XIRP2: variants seen among roughly 807,000 people sequenced by gnomAD.
XIRP2 encodes the protein xin actin-binding repeat-containing protein 2.
Under a neutral mutation model 277.0 loss-of-function variants are expected in XIRP2, and 236 were observed. That is an observed-to-expected ratio of 0.85 (90% CI 0.77 to 0.95). The LOEUF (loss-of-function observed/expected upper bound fraction) is 0.95, where lower values mean the gene tolerates loss of function less well. Ranked by LOEUF, XIRP2 falls within the 40% of genes least tolerant of loss-of-function variation. The pLI is 0.00. For synonymous variants in XIRP2, 1,490 were observed against 1,416.5 expected, an observed-to-expected ratio of 1.05 and a Z score of -1.17; for missense variants, 4,640 against 4,157.5, an observed-to-expected ratio of 1.12 and a Z score of -3.19.
intron 2 of XIRP2, among the ~76,000 whole-genome samples, chr2:167,028,914 A>G (rs1688249071): frequency 6.6e-6 from 1 of 151,794 alleles, no homozygotes; most frequent in Admixed American, 6.6e-5. Flanking sequence ...TGAAAAATTT[A>G]ATTGACATAC....
chr2:167,226,097 C>T (rs934432976), intron 5 of XIRP2, among the ~76,000 whole-genome samples: 5 of 152,196 alleles, frequency 3.3e-5, no homozygotes, highest in African/African-American at 1.2e-4. Flanking sequence ...AGCAAATCAG[C>T]TTTGCTCTAT....
intron 3 of XIRP2, among the ~76,000 whole-genome samples, chr2:167,166,173 C>G (rs1692515561): frequency 6.6e-6 from 1 of 152,024 alleles, no homozygotes; most frequent in African/African-American, 2.4e-5. Flanking sequence ...TCATTTAGCT[C>G]AAAATATTTT....
chr2:166,985,583 A>G (rs1663603965), intron 2 of XIRP2, among the ~76,000 whole-genome samples: 1 of 151,994 alleles, frequency 6.6e-6, no homozygotes, highest in Non-Finnish European at 1.5e-5. Context: ...GGCACCTGCC[A>G]CCATGCCCAG....
intron 3 of XIRP2, among the ~76,000 whole-genome samples, chr2:167,171,804 C>T (rs149597804): frequency 6.0e-4 from 92 of 152,270 alleles, no homozygotes; most frequent in African/African-American, 2.2e-3. Context: ...CTGTGGCATG[C>T]ACCATTTTAT....
chr2:167,214,226 G>GGAAGGAAGGAAGGA lies in XIRP2; in HGVS notation c.723+3331_723+3332insGAAGGAAGGAAGGA, dbSNP rs1559024057. On this transcript the variant is annotated intron_variant, in intron 4 of 10. Transcript: ENST00000409195. ...AAAGAGAGGGAGGGAGGGAGGGAGG[G>GGAAGGAAGGAAGGA]AGGAAGGAAGGAAGGAAGGAAGGAA... is the stretch of plus-strand genomic sequence containing the variant. 7.4e-3 allele frequency among the ~76,000 whole-genome samples: 500 copies of GGAAGGAAGGAAGGA among 67,324 alleles called. 45 individuals carry two copies. The highest frequency in any genetic ancestry group is 0.03 in the African/African-American group (304 of 10,084). 44.2% of individuals were successfully genotyped at this position (67,324 alleles called of 152,430 possible). A position where few individuals can be genotyped will look rare whatever the true frequency, so the allele number is the denominator to read the frequency against.
Position 167,249,960 on chromosome 2 carries a change from G to A in XIRP2, c.8568G>A (p.Lys2856=), listed in dbSNP as rs974180132. The change falls in exon 9 of 11, where the codon AAG becomes AAA. Residue 2856 remains lysine, a synonymous_variant. Coordinates refer to ENST00000409195, the MANE Select transcript of XIRP2 (RefSeq NM_152381.6). ...NKSAPKVVKQ[K]VIDAHLDSQT... is the part of the protein sequence containing the mutation. ...CAGCACCAAAGGTCGTCAAGCAAAA[G>A]GTTATCGATGCACATCTTGATTCAC... The A allele has an allele frequency of 1.2e-6, 2 of 1,613,472 alleles. No individual in the cohort carries two copies. The highest frequency in any genetic ancestry group is 1.7e-6 in the Non-Finnish European group (2 of 1,179,708).
intron 2 of XIRP2, among the ~76,000 whole-genome samples, chr2:167,060,275 G>T (rs1437975789): frequency 6.6e-6 from 1 of 152,052 alleles, no homozygotes; most frequent in African/African-American, 2.4e-5. Flanking sequence ...AAAGAAAAAA[G>T]AAGCAAAAGC....
chr2:167,159,123 A>G (rs1692288879), intron 3 of XIRP2, among the ~76,000 whole-genome samples: 1 of 152,146 alleles, frequency 6.6e-6, no homozygotes, highest in African/African-American at 2.4e-5. Flanking sequence ...AAACTAACTG[A>G]GAATCTCTTC....
At chr2:167,219,933 CA>C (rs1694373856) in intron 5 of XIRP2, among the ~76,000 whole-genome samples, 2 of 152,044 alleles carry the variant, frequency 1.3e-5, no homozygotes, top group Admixed American at 1.3e-4. Flanking sequence ...GAAAACCCCC[CA>C]AAAATGGCCT....
At chr2:167,094,095 G>A (rs1000312871) in intron 2 of XIRP2, among the ~76,000 whole-genome samples, 1 of 152,048 alleles carries the variant, frequency 6.6e-6, no homozygotes, top group Non-Finnish European at 1.5e-5. Context: ...TCATATATGT[G>A]TTGGCCACAT....
chr2:167,082,025 C>A (rs901297319), intron 2 of XIRP2, among the ~76,000 whole-genome samples: 5 of 151,624 alleles, frequency 3.3e-5, no homozygotes, highest in Admixed American at 3.3e-4. Flanking sequence ...ATACATGTGC[C>A]ATGCTGGTGC....
intron 5 of XIRP2, among the ~76,000 whole-genome samples, chr2:167,219,784 T>C (rs1014199193): frequency 6.6e-6 from 1 of 152,218 alleles, no homozygotes; most frequent in Admixed American, 6.5e-5. Flanking sequence ...ATGAGTAGGA[T>C]GGAAAAACTG....
rs1252617415 is a variant in XIRP2 at position 167,154,249 on chromosome 2, G to A, written c.562+18187G>A. On this transcript the variant is annotated intron_variant, in intron 3 of 10. Transcript: ENST00000409195. ...TTCATATCCTTGGCCACTTTTTGAT[G>A]GGGTTGTTTGTTTTTTTCTTGTAAA... 7.4e-5 allele frequency among the ~76,000 whole-genome samples: 11 copies of A among 149,266 alleles called. 1 individual carries two copies. The highest frequency in any genetic ancestry group is 1.5e-4 in the Non-Finnish European group (10 of 67,304).
At chr2:167,133,997 T>C (rs1247976612) in intron 2 of XIRP2, among the ~76,000 whole-genome samples, 1 of 152,158 alleles carries the variant, frequency 6.6e-6, no homozygotes, top group African/African-American at 2.4e-5. Context: ...ATTTTTCTCC[T>C]GCAATTGTTT....
At chr2:166,932,668 T>C (rs932917925) in intron 2 of XIRP2, among the ~76,000 whole-genome samples, 5 of 152,234 alleles carry the variant, frequency 3.3e-5, no homozygotes, top group Non-Finnish European at 5.9e-5. Context: ...ATCTTTACTA[T>C]TTTTCACATT....
At chr2:167,068,589 T>G (rs936735626) in intron 2 of XIRP2, among the ~76,000 whole-genome samples, 4 of 151,112 alleles carry the variant, frequency 2.6e-5, no homozygotes, top group African/African-American at 9.9e-5. Context: ...CATAGTCCCT[T>G]TCTCATATTT....
At chr2:166,918,128 G>T (rs1457841435) in intron 2 of XIRP2, among the ~76,000 whole-genome samples, 3 of 152,188 alleles carry the variant, frequency 2.0e-5, no homozygotes, top group Non-Finnish European at 4.4e-5. Flanking sequence ...CTGATTACTG[G>T]TGATACTGTG....
intron 2 of XIRP2, among the ~76,000 whole-genome samples, chr2:166,945,772 A>T (rs1379767244): frequency 6.7e-6 from 1 of 149,334 alleles, no homozygotes; most frequent in East Asian, 2.0e-4. Flanking sequence ...CCCGGGTTCA[A>T]GCGATTCTCC....
intron 3 of XIRP2, among the ~76,000 whole-genome samples, chr2:167,156,321 G>T (rs1201868657): frequency 6.6e-6 from 1 of 152,150 alleles, no homozygotes; most frequent in Non-Finnish European, 1.5e-5. Context: ...TAAAGTTAAT[G>T]ATAGCAACCG....
Sources: allele counts gnomAD v4.1 joint callset (sites outside exome capture counted in the v4.1 genomes callset), GRCh38; gene constraint gnomAD v4.1.1; transcripts MANE v1.5; gene names NCBI Gene and HGNC (gene_info 2026-07-23, HGNC 2026-07-21).